ARNT2: variants seen among roughly 807,000 people sequenced by gnomAD.
ARNT2 encodes the protein ARNT protein 2.
In ARNT2, 36 loss-of-function variants were observed where a neutral mutation model predicts 91.7. The ratio of observed to expected loss-of-function variants is 0.39; its 90% CI spans 0.30 to 0.52. The LOEUF (loss-of-function observed/expected upper bound fraction) is 0.52. ARNT2 is among the 20% of genes least tolerant of loss of function. ARNT2 has a pLI of 0.72. For synonymous variants in ARNT2, 365 were observed against 347.1 expected, an observed-to-expected ratio of 1.05 and a Z score of -0.57; for missense variants, 775 against 939.3, an observed-to-expected ratio of 0.83 and a Z score of 2.29.
chr15:80,409,546 C>T (rs908418401), intron 1 of ARNT2, among the ~76,000 whole-genome samples: 11 of 151,704 alleles, frequency 7.3e-5, no homozygotes, highest in Non-Finnish European at 1.2e-4. Flanking sequence ...GGGGCTAATA[C>T]TTACTGAGTA....
chr15:80,548,317 G>T lies in ARNT2; in HGVS notation c.878-2882G>T, dbSNP rs556881964. On this transcript the variant is annotated intron_variant, in intron 8 of 18. Coordinates refer to ENST00000303329, the MANE Select transcript of ARNT2 (RefSeq NM_014862.4). ...GTGTGTGCGTGCATGTTATATCTTA[G>T]TCCAAAAGGTGATATTTAATGGAGA... Among the ~76,000 whole-genome samples, 3 of 152,226 alleles carry T rather than the reference G, an allele frequency of 2.0e-5. No homozygotes were observed. The East Asian group carries it at 5.8e-4, about 29-fold the overall frequency.
Position 80,470,236 on chromosome 15 carries a change from C to A in ARNT2, c.213C>A (p.Ile71=), listed in dbSNP as rs752909555. ...SKFSRENHSE[I]ERRRRNKMTQ... is the part of the protein sequence containing the mutation. Reference sequence around the variant, plus strand: ...TGGAAAGAGAGAATCATAGTGAAATCGAAAGGCGCAGACGGAACAAGATGA... The same window carrying A: ...TGGAAAGAGAGAATCATAGTGAAATAGAAAGGCGCAGACGGAACAAGATGA... Residue 71 remains isoleucine, a synonymous_variant, in exon 4 of 19, where the codon ATC becomes ATA. Transcript: ENST00000303329. The A allele has an allele frequency of 1.9e-6, 3 of 1,614,016 alleles. No homozygotes were observed. The South Asian group carries it at 3.3e-5, about 18-fold the overall frequency.
intron 5 of ARNT2, among the ~76,000 whole-genome samples, chr15:80,482,187 G>A (rs1430236793): frequency 6.6e-6 from 1 of 152,154 alleles, no homozygotes; most frequent in Non-Finnish European, 1.5e-5. Flanking sequence ...CAGGATTATA[G>A]GCATGAGCCA....
At chr15:80,551,489 A>C (rs1211101255) in intron 9 of ARNT2, among the ~76,000 whole-genome samples, 1 of 152,200 alleles carries the variant, frequency 6.6e-6, no homozygotes, top group Non-Finnish European at 1.5e-5. Context: ...GAGGGGTTGC[A>C]TCAGTTCATC....
intron 5 of ARNT2, among the ~76,000 whole-genome samples, chr15:80,486,997 C>T (rs1896986064): frequency 6.6e-6 from 1 of 152,166 alleles, no homozygotes; most frequent in Admixed American, 6.5e-5. Flanking sequence ...ACCACTCATC[C>T]ATCTGGAGTA....
chr15:80,415,416 G>A (rs62006360), intron 1 of ARNT2, among the ~76,000 whole-genome samples: 9,907 of 152,280 alleles, frequency 0.065, 365 homozygotes, highest in South Asian at 0.1. Context: ...CAGGAGAGTC[G>A]GCCATTTATT....
At chr15:80,430,676 G>A (rs912495577) in intron 1 of ARNT2, among the ~76,000 whole-genome samples, 2 of 152,214 alleles carry the variant, frequency 1.3e-5, no homozygotes, top group African/African-American at 4.8e-5. Flanking sequence ...GGTGTTGGTT[G>A]TGACCTCAGG....
intron 8 of ARNT2, among the ~76,000 whole-genome samples, chr15:80,522,291 T>G (rs1453544230): frequency 1.3e-5 from 2 of 152,166 alleles, no homozygotes; most frequent in African/African-American, 4.8e-5. Context: ...GGCACAGAGC[T>G]ATAACCTGCC....
chr15:80,589,726 A>G (rs568681305), intron 17 of ARNT2, among the ~76,000 whole-genome samples: 2 of 152,250 alleles, frequency 1.3e-5, no homozygotes, highest in South Asian at 2.1e-4. Flanking sequence ...ACAGTTGTGG[A>G]CCCAGCCTTC....
chr15:80,544,120 A>G (rs1897954716), intron 8 of ARNT2, among the ~76,000 whole-genome samples: 1 of 152,152 alleles, frequency 6.6e-6, no homozygotes, highest in South Asian at 2.1e-4. Context: ...TGCTTCTTCC[A>G]CAGCTCTACT....
At chr15:80,466,355 TC>T (rs1332237991) in intron 3 of ARNT2, among the ~76,000 whole-genome samples, 3 of 152,234 alleles carry the variant, frequency 2.0e-5, no homozygotes, top group Non-Finnish European at 2.9e-5. Flanking sequence ...AAGCTCTGGG[TC>T]CTCTTAGCAC....
intron 15 of ARNT2, among the ~76,000 whole-genome samples, chr15:80,578,340 G>A (rs1049089756): frequency 9.2e-5 from 14 of 152,098 alleles, no homozygotes; most frequent in African/African-American, 1.4e-4. Context: ...CCTGAGGGGT[G>A]TGCTGAGTGA....
intron 5 of ARNT2, among the ~76,000 whole-genome samples, chr15:80,502,512 A>C (rs73489398): frequency 0.02 from 3,015 of 152,268 alleles, 78 homozygotes; most frequent in African/African-American, 0.07. Flanking sequence ...AAGGAGGGGT[A>C]GTAGGTGGAC....
chr15:80,448,593 G>A (rs1273916776), intron 1 of ARNT2, among the ~76,000 whole-genome samples: 1 of 152,194 alleles, frequency 6.6e-6, no homozygotes, highest in Non-Finnish European at 1.5e-5. Context: ...ACGGGGAAGG[G>A]ATGACAACAT....
At chr15:80,564,939 A>G (rs1256425128) in intron 12 of ARNT2, among the ~76,000 whole-genome samples, 2 of 146,510 alleles carry the variant, frequency 1.4e-5, no homozygotes, top group Non-Finnish European at 3.0e-5. Context: ...TTTTTTTTTA[A>G]ATTGAGACAG....
At chr15:80,510,597 A>G (rs991674447) in intron 6 of ARNT2, among the ~76,000 whole-genome samples, 8 of 61,612 alleles carry the variant, frequency 1.3e-4, no homozygotes, top group African/African-American at 2.3e-4. Context: ...TTGGGAGGCC[A>G]AGGCGGGCAG....
At chr15:80,580,295 C>G in intron 15 of ARNT2, 116 bp from the exon 16 acceptor site, 3 of 1,306,262 alleles carry the variant, frequency 2.3e-6, no homozygotes, top group Non-Finnish European at 3.3e-6. Context: ...TAGTGACGTG[C>G]TGCATGGAGA....
intron 10 of ARNT2, among the ~76,000 whole-genome samples, chr15:80,554,415 A>T (rs1254764189): frequency 6.6e-6 from 1 of 152,228 alleles, no homozygotes; most frequent in Admixed American, 6.5e-5. Flanking sequence ...ATCTCAAAAA[A>T]TAAAAAACAT....
chr15:80,545,523 G>A (rs1180874407), intron 8 of ARNT2, among the ~76,000 whole-genome samples: 5 of 152,296 alleles, frequency 3.3e-5, no homozygotes, highest in Non-Finnish European at 7.3e-5. Context: ...TGATATAGAC[G>A]ACAGGGTAGA....
Sources: allele counts gnomAD v4.1 joint callset (sites outside exome capture counted in the v4.1 genomes callset), GRCh38; gene constraint gnomAD v4.1.1; transcripts MANE v1.5; gene names NCBI Gene and HGNC (gene_info 2026-07-23, HGNC 2026-07-21).